DNAH6: variants seen among roughly 807,000 people sequenced by gnomAD.
DNAH6 encodes the protein dynein axonemal heavy chain 6, also known as axonemal beta dynein heavy chain 6.
Under a neutral mutation model 491.4 loss-of-function variants are expected in DNAH6, and 340 were observed. The ratio of observed to expected loss-of-function variants is 0.69; its 90% CI spans 0.63 to 0.76. DNAH6 has a LOEUF of 0.76. Ranked by LOEUF, DNAH6 falls within the 30% of genes least tolerant of loss-of-function variation. The pLI is 0.00. For missense variants in DNAH6, 4,443 were observed against 4,972.2 expected (o/e 0.89, Z 3.20); for synonymous variants, 1,603 against 1,686.1 (o/e 0.95, Z 1.21).
intron 8 of DNAH6, among the ~76,000 whole-genome samples, chr2:84,549,022 G>C (rs1012994454): frequency 6.6e-6 from 1 of 152,192 alleles, no homozygotes; most frequent in African/African-American, 2.4e-5. Context: ...AATGGGATTT[G>C]CCACTGGGAG....
chr2:84,667,256 A>G (rs534846207), intron 37 of DNAH6, among the ~76,000 whole-genome samples: 4,339 of 152,262 alleles, frequency 0.028, 224 homozygotes, highest in African/African-American at 0.099. Flanking sequence ...ATGGGATCTA[A>G]TTAAACTAAA....
chr2:84,800,593 C>T (rs370680711), intron 70 of DNAH6, among the ~76,000 whole-genome samples: 33 of 152,054 alleles, frequency 2.2e-4, no homozygotes, highest in African/African-American at 7.0e-4. Context: ...AATCTCACTA[C>T]GGGAGTATCA....
intron 10 of DNAH6, among the ~76,000 whole-genome samples, chr2:84,553,804 T>C (rs1233128899): frequency 6.6e-6 from 1 of 151,964 alleles, no homozygotes; most frequent in Non-Finnish European, 1.5e-5. Context: ...TTTAAAGGTA[T>C]GCTGGAACTG....
chr2:84,529,437 T>C (rs1372248129), intron 4 of DNAH6, among the ~76,000 whole-genome samples: 1 of 152,142 alleles, frequency 6.6e-6, no homozygotes, highest in African/African-American at 2.4e-5. Context: ...GTATTACATA[T>C]GTATTTTTGA....
At chr2:84,544,985 A>G (rs1678634416) in intron 5 of DNAH6, among the ~76,000 whole-genome samples, 2 of 152,158 alleles carry the variant, frequency 1.3e-5, no homozygotes, top group Non-Finnish European at 2.9e-5. Context: ...TACTTTGGAC[A>G]ACAGGGTGAT....
At chr2:84,503,157 T>C in the DNAH6 span, among the ~76,000 whole-genome samples, 3 of 151,980 alleles carry the variant, frequency 2.0e-5, no homozygotes, top group Non-Finnish European at 4.4e-5. Context: ...GTCTTCGTTG[T>C]ATGTTTTTGG....
At chr2:84,787,064 A>G in intron 67 of DNAH6, 100 bp from the exon 68 acceptor site, 1 of 841,316 alleles carries the variant, frequency 1.2e-6, no homozygotes, top group Non-Finnish European at 1.8e-6. Context: ...CAGTGTGGGG[A>G]TGCCCATTTT....
At chr2:84,510,872 G>A in the DNAH6 span, among the ~76,000 whole-genome samples, 1 of 152,188 alleles carries the variant, frequency 6.6e-6, no homozygotes. Context: ...ATCAGCAGCA[G>A]AGGCTGCAGA....
chr2:84,503,501 G>A, the DNAH6 span, among the ~76,000 whole-genome samples: 1 of 152,002 alleles, frequency 6.6e-6, no homozygotes, highest in Admixed American at 6.6e-5. Context: ...GTAGCTTCAG[G>A]TGATCATTTA....
intron 63 of DNAH6, 125 bp from the exon 64 acceptor site, chr2:84,762,630 C>A: frequency 3.1e-6 from 2 of 637,130 alleles, no homozygotes; most frequent in South Asian, 2.1e-5. Context: ...AGATGTATAC[C>A]CAATCAAGAC....
the DNAH6 span, among the ~76,000 whole-genome samples, chr2:84,471,378 T>C: frequency 2.0e-5 from 3 of 152,232 alleles, no homozygotes; most frequent in Admixed American, 1.3e-4. Context: ...TTTGAATGTT[T>C]CGCACATATC....
intron 67 of DNAH6, among the ~76,000 whole-genome samples, chr2:84,786,165 C>G (rs1677165170): frequency 6.6e-6 from 1 of 152,080 alleles, no homozygotes; most frequent in South Asian, 2.1e-4. Context: ...GTGGCTCATC[C>G]TTGTAATCCC....
chr2:84,543,253 C>T (rs191743502), intron 4 of DNAH6, among the ~76,000 whole-genome samples: 22 of 152,184 alleles, frequency 1.4e-4, no homozygotes, highest in East Asian at 5.8e-4. Context: ...GACTGAAAGC[C>T]GTGGAAAATA....
chr2:84,603,911 T>G (rs941667243), intron 18 of DNAH6, among the ~76,000 whole-genome samples: 6 of 152,136 alleles, frequency 3.9e-5, no homozygotes, highest in Non-Finnish European at 8.8e-5. Context: ...TTCTTGGGAG[T>G]CCTTTCAGTC....
intron 63 of DNAH6, among the ~76,000 whole-genome samples, chr2:84,750,339 C>T (rs371473292): frequency 6.6e-6 from 1 of 151,676 alleles, no homozygotes; most frequent in East Asian, 1.9e-4. Flanking sequence ...TGTACCACCA[C>T]GCCCAGCTAA....
At chr2:84,567,416 A>G (rs1444612105) in intron 11 of DNAH6, among the ~76,000 whole-genome samples, 3 of 152,210 alleles carry the variant, frequency 2.0e-5, no homozygotes, top group Non-Finnish European at 2.9e-5. Context: ...CTACAAGGCT[A>G]CCGTAACCAA....
At position 84,709,455 on chromosome 2, in the gene DNAH6, A is replaced by G; in HGVS notation, c.9161A>G (p.Asp3054Gly). 6.4e-7 allele frequency: 1 copy of G among 1,551,686 alleles called. No individual in the cohort carries two copies. The highest frequency in any genetic ancestry group is 8.7e-7 in the Non-Finnish European group (1 of 1,147,012). Residue 3054 changes from aspartate to glycine, a missense_variant, in exon 55 of 77, where the codon GAT becomes GGT. Physicochemically the swap from Asp to Gly is moderately conservative, Grantham distance 94. Coordinates refer to ENST00000389394, the MANE Select transcript of DNAH6 (RefSeq NM_001370.2). ...TACGAGATACGGCAGTGGAACACTG[A>G]TGGGCTGCCCCGTGACTTGATATCA... ...DPYEIRQWNT[D>G]GLPRDLISTE... is the part of the protein sequence containing the mutation.
At chr2:84,562,802 G>A (rs7598526) in intron 11 of DNAH6, among the ~76,000 whole-genome samples, 147,029 of 152,272 alleles carry the variant, frequency 0.97, 71,029 homozygotes, top group East Asian at 1. Flanking sequence ...AGCTCATTAG[G>A]GTCTCAATGA....
At chr2:84,810,489 C>T (rs1679866993) in intron 72 of DNAH6, among the ~76,000 whole-genome samples, 1 of 152,188 alleles carries the variant, frequency 6.6e-6, no homozygotes, top group African/African-American at 2.4e-5. Flanking sequence ...GGAATCACAG[C>T]CAAGCATTCC....
Sources: allele counts gnomAD v4.1 joint callset (sites outside exome capture counted in the v4.1 genomes callset), GRCh38; gene constraint gnomAD v4.1.1; transcripts MANE v1.5; gene names NCBI Gene and HGNC (gene_info 2026-07-23, HGNC 2026-07-21).